ZBTB20: variants seen among roughly 807,000 people sequenced by gnomAD.
ZBTB20 encodes the protein zinc finger and BTB domain containing 20.
A neutral mutation model predicts 56.9 loss-of-function variants in ZBTB20; 9 were observed. The ratio of observed to expected loss-of-function variants is 0.16; its 90% CI spans 0.10 to 0.28. The LOEUF (loss-of-function observed/expected upper bound fraction) is 0.28. Among genes scored for constraint, ZBTB20 ranks in the 10% least tolerant of loss-of-function variants. The pLI is 1.00. For synonymous variants in ZBTB20, 417 were observed against 420.7 expected (o/e 0.99, Z 0.11); for missense variants, 655 against 1,003.0 (o/e 0.65, Z 4.69).
chr3:114,999,725 CA>C lies in ZBTB20; in HGVS notation c.-506-25310del, dbSNP rs139147196. 5.9e-3 allele frequency among the ~76,000 whole-genome samples: 897 copies of C among 151,748 alleles called. 11 individuals carry two copies. The highest frequency in any genetic ancestry group is 0.021 in the African/African-American group (870 of 41,484). ...ATAAAGAAAAAAGAGTTTCAAGCTA[CA>C]TTTAAGTTTTCTTTATACTACCACC... is the stretch of plus-strand genomic sequence containing the variant. On this transcript the variant is annotated intron_variant, in intron 2 of 11. Transcript: ENST00000675478.
intron 6 of ZBTB20, among the ~76,000 whole-genome samples, chr3:114,617,521 T>C (rs1343682537): frequency 6.6e-6 from 1 of 152,230 alleles, no homozygotes; most frequent in African/African-American, 2.4e-5. Context: ...CTTAGCATAA[T>C]GGTATTACCC....
intron 6 of ZBTB20, among the ~76,000 whole-genome samples, chr3:114,503,301 T>G (rs575966403): frequency 6.6e-6 from 1 of 152,200 alleles, no homozygotes; most frequent in African/African-American, 2.4e-5. Flanking sequence ...GTTGTACTTA[T>G]ATGTTAATAT....
intron 4 of ZBTB20, among the ~76,000 whole-genome samples, chr3:114,867,240 T>C (rs931386698): frequency 1.2e-4 from 18 of 152,048 alleles, no homozygotes; most frequent in African/African-American, 4.1e-4. Flanking sequence ...AAATAAGAGA[T>C]GGCAGGAAAA....
intron 1 of ZBTB20, among the ~76,000 whole-genome samples, chr3:115,133,594 C>G (rs2084571512): frequency 6.6e-6 from 1 of 152,174 alleles, no homozygotes; most frequent in Non-Finnish European, 1.5e-5. Context: ...ACCTATATGC[C>G]TACTCTGGAC....
At chr3:114,911,777 A>G (rs2075549319) in intron 3 of ZBTB20, among the ~76,000 whole-genome samples, 1 of 151,938 alleles carries the variant, frequency 6.6e-6, no homozygotes, top group South Asian at 2.1e-4. Context: ...CCTATGGGAC[A>G]ATACCAAGTG....
chr3:115,061,440 C>G (rs2082008188), intron 2 of ZBTB20, among the ~76,000 whole-genome samples: 1 of 152,060 alleles, frequency 6.6e-6, no homozygotes, highest in South Asian at 2.1e-4. Flanking sequence ...ATAAAAGTTA[C>G]CAAACTCTGT....
chr3:115,146,854 G>C (rs1001418537), intron 1 of ZBTB20, among the ~76,000 whole-genome samples: 1 of 152,016 alleles, frequency 6.6e-6, no homozygotes, highest in Non-Finnish European at 1.5e-5. Context: ...GAAGAAGGCA[G>C]AAGACACGTT....
At chr3:114,493,528 A>G (rs373634563) in intron 7 of ZBTB20, among the ~76,000 whole-genome samples, 5 of 152,286 alleles carry the variant, frequency 3.3e-5, no homozygotes, top group African/African-American at 1.2e-4. Context: ...ATCAGGCCTT[A>G]CGTATCTCTT....
At chr3:114,933,815 T>C (rs1413940528) in intron 3 of ZBTB20, among the ~76,000 whole-genome samples, 2 of 152,236 alleles carry the variant, frequency 1.3e-5, no homozygotes, top group African/African-American at 4.8e-5. Flanking sequence ...CTTTAGTATA[T>C]TTTACATCTA....
intron 2 of ZBTB20, among the ~76,000 whole-genome samples, chr3:115,064,084 A>C (rs2082114503): frequency 6.6e-6 from 1 of 152,194 alleles, no homozygotes; most frequent in South Asian, 2.1e-4. Context: ...CTTACACATG[A>C]AGAATCCTAT....
intron 2 of ZBTB20, among the ~76,000 whole-genome samples, chr3:115,005,251 G>C (rs1178938011): frequency 6.6e-6 from 1 of 151,404 alleles, no homozygotes; most frequent in Non-Finnish European, 1.5e-5. Flanking sequence ...GTAATTAATT[G>C]GTCATTGGGT....
chr3:115,124,160 AT>A (rs1358334491), intron 1 of ZBTB20, among the ~76,000 whole-genome samples: 2 of 152,244 alleles, frequency 1.3e-5, no homozygotes, highest in African/African-American at 4.8e-5. Context: ...AGTAATTTAG[AT>A]TTATACAAAG....
chr3:114,841,078 AAAGACGC>A (rs1317685781), intron 4 of ZBTB20, among the ~76,000 whole-genome samples: 3 of 152,224 alleles, frequency 2.0e-5, no homozygotes, highest in Non-Finnish European at 4.4e-5. Context: ...GTTAGGCACT[AAAGACGC>A]AGCCTTGAAT....
intron 4 of ZBTB20, among the ~76,000 whole-genome samples, chr3:114,835,237 A>G (rs2074059259): frequency 6.6e-6 from 1 of 152,206 alleles, no homozygotes; most frequent in Non-Finnish European, 1.5e-5. Context: ...TTTTCCCTCA[A>G]AATAAGGCTT....
chr3:115,039,379 CTGTA>C (rs2081053568), intron 2 of ZBTB20, among the ~76,000 whole-genome samples: 1 of 152,008 alleles, frequency 6.6e-6, no homozygotes, highest in Non-Finnish European at 1.5e-5. Flanking sequence ...TGAGATTACT[CTGTA>C]TGTTCCCAAG....
intron 5 of ZBTB20, among the ~76,000 whole-genome samples, chr3:114,711,243 A>G (rs1027363388): frequency 5.3e-5 from 8 of 152,198 alleles, no homozygotes; most frequent in Non-Finnish European, 1.2e-4. Context: ...CCACTATAAA[A>G]TAAGTTTCAT....
intron 6 of ZBTB20, among the ~76,000 whole-genome samples, chr3:114,559,071 T>G (rs746946281): frequency 2.6e-5 from 4 of 152,164 alleles, no homozygotes; most frequent in Non-Finnish European, 5.9e-5. Context: ...TTATTAACTA[T>G]CTCCCTTAAC....
At chr3:114,984,673 A>G (rs2078462294) in intron 2 of ZBTB20, among the ~76,000 whole-genome samples, 1 of 152,080 alleles carries the variant, frequency 6.6e-6, no homozygotes, top group African/African-American at 2.4e-5. Context: ...ACAACAGTTG[A>G]TTCAGATACA....
At chr3:114,891,575 T>A (rs1284554738) in intron 4 of ZBTB20, among the ~76,000 whole-genome samples, 2 of 152,198 alleles carry the variant, frequency 1.3e-5, no homozygotes, top group Admixed American at 1.3e-4. Context: ...ATTGAACCCA[T>A]TTTAGAAAAA....
Sources: allele counts gnomAD v4.1 joint callset (sites outside exome capture counted in the v4.1 genomes callset), GRCh38; gene constraint gnomAD v4.1.1; transcripts MANE v1.5; gene names NCBI Gene and HGNC (gene_info 2026-07-23, HGNC 2026-07-21).